The following LPP variants were observed in gnomAD, a reference collection of about 807,000 sequenced individuals.
The protein encoded by LPP is lipoma-preferred partner.
LPP carries 38 observed loss-of-function variants against 60.4 expected under a neutral mutation model. The observed-to-expected ratio is 0.63, with a 90% CI of 0.49 to 0.83. The LOEUF (loss-of-function observed/expected upper bound fraction) is 0.83, where lower values mean the gene tolerates loss of function less well. Among genes scored for constraint, LPP ranks in the 40% least tolerant of loss-of-function variants. The pLI is 0.00. For missense variants in LPP, 902 were observed against 783.6 expected (o/e 1.15, Z -1.80); for synonymous variants, 328 against 290.8 (o/e 1.13, Z -1.30).
chr3:188,767,452 T>G (rs1040033), intron 9 of LPP, among the ~76,000 whole-genome samples: 37,533 of 152,090 alleles, frequency 0.25, 5,215 homozygotes, highest in East Asian at 0.65. Context: ...TATAAAACCT[T>G]AACACATTGC....
chr3:188,394,582 G>A (rs1011154293), intron 3 of LPP, among the ~76,000 whole-genome samples: 1 of 148,574 alleles, frequency 6.7e-6, no homozygotes, highest in Non-Finnish European at 1.5e-5. Context: ...GTGTGTGTGT[G>A]TATGTATTTG....
intron 3 of LPP, among the ~76,000 whole-genome samples, chr3:188,362,148 A>G (rs768768569): frequency 6.6e-6 from 1 of 152,166 alleles, no homozygotes; most frequent in Non-Finnish European, 1.5e-5. Flanking sequence ...GGGTATTTGA[A>G]CAACCCTTTT....
chr3:188,724,828 G>T (rs973478859), intron 8 of LPP, among the ~76,000 whole-genome samples: 1 of 152,154 alleles, frequency 6.6e-6, no homozygotes, highest in Non-Finnish European at 1.5e-5. Context: ...GTCTAGTGAT[G>T]TGTAGAAAAG....
Position 188,246,654 on chromosome 3 carries a change from G to C in LPP, c.-67+21127G>C, listed in dbSNP as rs562933444. Reference sequence around the variant, plus strand: ...TGAAAGCCTGTGAGTCCCCCACAGGGCAGGAGCACTGAATACACCCACATT... The same window carrying C: ...TGAAAGCCTGTGAGTCCCCCACAGGCCAGGAGCACTGAATACACCCACATT... On this transcript the variant is annotated intron_variant, in intron 2 of 11. Coordinates refer to ENST00000617246, the MANE Select transcript of LPP (RefSeq NM_001375462.1). 2.0e-5 allele frequency among the ~76,000 whole-genome samples: 3 copies of C among 152,224 alleles called. No homozygotes were observed. In the South Asian group the frequency reaches 6.2e-4, roughly 32 times the overall value.
At chr3:188,866,843 G>T (rs1190423220) in intron 10 of LPP, among the ~76,000 whole-genome samples, 1 of 152,116 alleles carries the variant, frequency 6.6e-6, no homozygotes, top group African/African-American at 2.4e-5. Context: ...CCACTCTACT[G>T]ATAGGGAGTT....
rs181732903 is a variant in LPP at position 188,604,367 on chromosome 3, T to C, written c.430-4794T>C. On this transcript the variant is annotated intron_variant, in intron 6 of 11. Transcript: ENST00000617246. ...TTTAAATGCATTCGTCTCTTTCCTT[T>C]CTTAGTAAGTTTATTTAAAAATTGC... Among the ~76,000 whole-genome samples the C allele has an allele frequency of 8.9e-4, 135 of 152,256 alleles. 1 individual carries two copies. Among genetic ancestry groups the C allele is most frequent in the African/African-American group, 3.0e-3 (126 of 41,568 alleles).
chr3:188,346,416 C>A (rs529856799), intron 3 of LPP, among the ~76,000 whole-genome samples: 20 of 150,888 alleles, frequency 1.3e-4, no homozygotes, highest in Non-Finnish European at 7.4e-5. Flanking sequence ...CACACCCCCA[C>A]GCCCAGCTAA....
intron 9 of LPP, among the ~76,000 whole-genome samples, chr3:188,858,506 G>A (rs548768796): frequency 1.3e-5 from 2 of 152,246 alleles, no homozygotes; most frequent in African/African-American, 2.4e-5. Flanking sequence ...TTCCGATTTA[G>A]TAAAGCTCAG....
At position 188,269,945 on chromosome 3, in the gene LPP, G is replaced by T. The variant is rs537858420; in HGVS notation, c.-67+44418G>T. 2.0e-5 allele frequency among the ~76,000 whole-genome samples: 3 copies of T among 152,160 alleles called. No individual in the cohort carries two copies. In the East Asian group the frequency reaches 5.8e-4, roughly 29 times the overall value. ...TTACAGGTGGGAGCCACTACACCTG[G>T]CCGTGCCTTGTTTTTTAGTATCAGT... On this transcript the variant is annotated intron_variant, in intron 2 of 11. Transcript: ENST00000617246.
At chr3:188,181,715 T>TA (rs1432107104) in intron 1 of LPP, among the ~76,000 whole-genome samples, 1 of 152,218 alleles carries the variant, frequency 6.6e-6, no homozygotes, top group Non-Finnish European at 1.5e-5. Flanking sequence ...TTTAATTAAT[T>TA]AAAAAATTAA....
At chr3:188,341,986 A>G (rs969454143) in intron 3 of LPP, among the ~76,000 whole-genome samples, 1 of 152,222 alleles carries the variant, frequency 6.6e-6, no homozygotes, top group Non-Finnish European at 1.5e-5. Flanking sequence ...TTTAATGTGT[A>G]TGTATTTAAG....
intron 6 of LPP, among the ~76,000 whole-genome samples, chr3:188,564,013 A>G (rs1045792369): frequency 6.6e-6 from 1 of 151,572 alleles, no homozygotes; most frequent in African/African-American, 2.4e-5. Context: ...AACAGCCACG[A>G]CTCTTCGCTG....
At chr3:188,660,951 T>C (rs1377951210) in intron 7 of LPP, among the ~76,000 whole-genome samples, 1 of 152,184 alleles carries the variant, frequency 6.6e-6, no homozygotes, top group African/African-American at 2.4e-5. Flanking sequence ...CATAGAATCA[T>C]GCGGAATACT....
intron 9 of LPP, among the ~76,000 whole-genome samples, chr3:188,803,008 T>C (rs1475046853): frequency 6.6e-6 from 1 of 151,284 alleles, no homozygotes; most frequent in Non-Finnish European, 1.5e-5. Flanking sequence ...CTTATAATAA[T>C]ACTATATATT....
chr3:188,369,501 C>T (rs918328300), intron 3 of LPP, among the ~76,000 whole-genome samples: 3 of 152,064 alleles, frequency 2.0e-5, no homozygotes, highest in African/African-American at 7.2e-5. Context: ...CTTGTCTTGT[C>T]AACCTCCTGG....
chr3:188,557,178 G>A (rs923265793), intron 6 of LPP, among the ~76,000 whole-genome samples: 1 of 151,788 alleles, frequency 6.6e-6, no homozygotes, highest in Non-Finnish European at 1.5e-5. Context: ...TCAAATAATG[G>A]TGCCTTTAAC....
intron 4 of LPP, 78 bp from the exon 5 acceptor site, chr3:188,484,514 A>C: frequency 2.9e-6 from 3 of 1,036,354 alleles, no homozygotes; most frequent in Non-Finnish European, 4.3e-6. Context: ...ATAAAAAAGT[A>C]AAATGCCAGC....
intron 3 of LPP, among the ~76,000 whole-genome samples, chr3:188,343,169 C>T (rs549042620): frequency 8.5e-5 from 13 of 152,196 alleles, no homozygotes; most frequent in Admixed American, 2.0e-4. Flanking sequence ...TTGCCTTGCC[C>T]TCCACCCATC....
chr3:188,469,142 A>G (rs1352151778), intron 4 of LPP, among the ~76,000 whole-genome samples: 1 of 152,154 alleles, frequency 6.6e-6, no homozygotes, highest in Non-Finnish European at 1.5e-5. Context: ...TGAACTCTGT[A>G]TTCTAATTCA....
Sources: gnomAD v4.1 joint callset for allele counts (sites outside exome capture counted in the v4.1 genomes callset) on GRCh38, gnomAD v4.1.1 for gene constraint, MANE v1.5 for transcripts, NCBI Gene and HGNC (gene_info 2026-07-23, HGNC 2026-07-21) for gene names.